NFATC1: variants seen among roughly 807,000 people sequenced by gnomAD.
The protein encoded by NFATC1 is nuclear factor of activated T cells 1.
NFATC1 carries 22 observed loss-of-function variants against 76.0 expected under a neutral mutation model. The ratio of observed to expected loss-of-function variants is 0.29; its 90% CI spans 0.21 to 0.41. The LOEUF is 0.41. Among genes scored for constraint, NFATC1 ranks in the 10% least tolerant of loss-of-function variants. The pLI is 1.00. For synonymous variants in NFATC1, 704 were observed against 613.1 expected (o/e 1.15, Z -2.19); for missense variants, 1,357 against 1,337.7 (o/e 1.01, Z -0.23).
intron 9 of NFATC1, among the ~76,000 whole-genome samples, chr18:79,507,925 C>CCCGCAG (rs1228853690): frequency 3.3e-5 from 5 of 152,248 alleles, no homozygotes; most frequent in African/African-American, 1.2e-4. Context: ...GGCCGGGCTC[C>CCCGCAG]CCGCAGCCGC....
At chr18:79,404,091 C>A (rs1166873811) in intron 1 of NFATC1, among the ~76,000 whole-genome samples, 2 of 152,206 alleles carry the variant, frequency 1.3e-5, no homozygotes, top group Non-Finnish European at 2.9e-5. Flanking sequence ...TAGCCATGAA[C>A]AACTTGGATA....
At chr18:79,472,165 G>T (rs1299424026) in intron 8 of NFATC1, among the ~76,000 whole-genome samples, 3 of 152,108 alleles carry the variant, frequency 2.0e-5, no homozygotes, top group Admixed American at 1.3e-4. Flanking sequence ...GGGGCGGGGG[G>T]CGGCTGTGAA....
chr18:79,463,824 G>A (rs1319684736), intron 7 of NFATC1, among the ~76,000 whole-genome samples: 3 of 152,182 alleles, frequency 2.0e-5, no homozygotes, highest in East Asian at 1.9e-4. Context: ...ACATGCACGC[G>A]GGTTGCGGGA....
At chr18:79,430,875 C>T (rs1195935010) in intron 2 of NFATC1, among the ~76,000 whole-genome samples, 2 of 152,248 alleles carry the variant, frequency 1.3e-5, no homozygotes, top group African/African-American at 2.4e-5. Context: ...TCCCCAGAAA[C>T]TCACAGCTGG....
chr18:79,451,181 T>G (rs1277116495), intron 5 of NFATC1, 55 bp downstream of exon 5: 1 of 1,553,668 alleles, frequency 6.4e-7, no homozygotes. Flanking sequence ...CACATGCGCT[T>G]CACTGTCTCA....
intron 1 of NFATC1, among the ~76,000 whole-genome samples, chr18:79,408,734 A>G (rs960037187): frequency 1.3e-5 from 2 of 152,150 alleles, no homozygotes; most frequent in Non-Finnish European, 2.9e-5. Context: ...ATCATCATCC[A>G]TCCATCATCA....
chr18:79,438,979 C>A (rs945530685), intron 3 of NFATC1, among the ~76,000 whole-genome samples: 5 of 152,222 alleles, frequency 3.3e-5, no homozygotes, highest in Admixed American at 2.6e-4. Flanking sequence ...GGCAGCTCTT[C>A]TTTTCCGGTT....
At chr18:79,432,979 C>G (rs1340672624) in intron 2 of NFATC1, among the ~76,000 whole-genome samples, 1 of 152,194 alleles carries the variant, frequency 6.6e-6, no homozygotes, top group East Asian at 1.9e-4. Flanking sequence ...CGAACAGCCT[C>G]CCACAGCCCT....
rs2088459692 is a variant in NFATC1 at position 79,465,796 on chromosome 18, C to G, written c.1960-1654C>G. On this transcript the variant is annotated intron_variant, in intron 7 of 9. Coordinates refer to ENST00000427363, the MANE Select transcript of NFATC1 (RefSeq NM_001278669.2). This position sits in a 1 kb window ranked among gnomAD's most constrained non-coding sequence, Gnocchi z 4.2. ...AGGAAGCGTCTCTTTATCCCCCGTA[C>G]AAATGCCGAGACAGGCTCCGGGTGG... 6.6e-6 allele frequency among the ~76,000 whole-genome samples: 1 copy of G among 152,344 alleles called. No homozygotes were observed. Among genetic ancestry groups the G allele is most frequent in the Middle Eastern group, 3.4e-3 (1 of 294 alleles).
intron 1 of NFATC1, chr18:79,400,464 G>A (rs1414813376): frequency 2.0e-6 from 3 of 1,487,096 alleles, no homozygotes; most frequent in Admixed American, 2.4e-5. Context: ...CGAGGGCGCC[G>A]CCGCGGCCGC....
intron 3 of NFATC1, chr18:79,448,576 A>T: frequency 1.7e-6 from 1 of 602,568 alleles, no homozygotes; most frequent in South Asian, 2.0e-5. Context: ...TCAAAGCCTA[A>T]AACTCAGTGC....
intron 9 of NFATC1, among the ~76,000 whole-genome samples, chr18:79,520,333 A>G (rs575168976): frequency 1.3e-5 from 2 of 151,116 alleles, no homozygotes; most frequent in African/African-American, 4.9e-5. Context: ...ATTTCAGAAC[A>G]GGGGAGATGC....
At chr18:79,514,696 C>G (rs2090337513) in intron 9 of NFATC1, among the ~76,000 whole-genome samples, 1 of 147,786 alleles carries the variant, frequency 6.8e-6, no homozygotes, top group Non-Finnish European at 1.5e-5. Context: ...TCACACCTAA[C>G]AAAATGGCAG....
chr18:79,430,863 C>T (rs913976356), intron 2 of NFATC1, among the ~76,000 whole-genome samples: 6 of 152,206 alleles, frequency 3.9e-5, no homozygotes, highest in African/African-American at 1.4e-4. Context: ...CCCCCTCTCC[C>T]TTCCCCAGAA....
intron 9 of NFATC1, among the ~76,000 whole-genome samples, chr18:79,526,033 T>C (rs150248571): frequency 6.6e-6 from 1 of 152,350 alleles, no homozygotes; most frequent in East Asian, 1.9e-4. Context: ...ACCAGCAGCC[T>C]AGGGCATTTG....
chr18:79,478,284 C>T (rs1255012948), intron 8 of NFATC1, among the ~76,000 whole-genome samples: 1 of 152,100 alleles, frequency 6.6e-6, no homozygotes, highest in African/African-American at 2.4e-5. Flanking sequence ...TCACCTCTGT[C>T]TTGTAGCAGA....
At chr18:79,438,101 C>T (rs988792329) in intron 3 of NFATC1, among the ~76,000 whole-genome samples, 9 of 152,190 alleles carry the variant, frequency 5.9e-5, no homozygotes, top group East Asian at 1.9e-4. Flanking sequence ...ACCTGGAGTC[C>T]GGCTCCCCGC....
chr18:79,517,307 A>G (rs933992552), intron 9 of NFATC1, among the ~76,000 whole-genome samples: 12 of 152,246 alleles, frequency 7.9e-5, no homozygotes, highest in Non-Finnish European at 1.6e-4. Flanking sequence ...AGTTATAGGA[A>G]TGGAGGAGAA....
intron 1 of NFATC1, among the ~76,000 whole-genome samples, chr18:79,396,944 C>T (rs2085026159): frequency 6.6e-6 from 1 of 152,192 alleles, no homozygotes; most frequent in Non-Finnish European, 1.5e-5. Context: ...GAATTTAAGC[C>T]ATTTTGAAAT....
Sources: gnomAD v4.1 joint callset for allele counts (sites outside exome capture counted in the v4.1 genomes callset) on GRCh38, gnomAD v4.1.1 for gene constraint, Gnocchi (gnomAD v3.1) non-coding constraint, MANE v1.5 for transcripts, NCBI Gene and HGNC (gene_info 2026-07-23, HGNC 2026-07-21) for gene names.